Variants in MTHFD1L observed in about 807,000 individuals in gnomAD.
MTHFD1L encodes the protein methylenetetrahydrofolate dehydrogenase (NADP+ dependent) 1 like.
A neutral mutation model predicts 119.5 loss-of-function variants in MTHFD1L; 81 were observed. The observed-to-expected ratio is 0.68, with a 90% CI of 0.57 to 0.82. MTHFD1L has a LOEUF of 0.82. Among genes scored for constraint, MTHFD1L ranks in the 40% least tolerant of loss-of-function variants. The pLI, the probability that MTHFD1L is intolerant of heterozygous loss-of-function variation, is 0.00. For missense variants in MTHFD1L, 1,125 were observed against 1,253.4 expected, an observed-to-expected ratio of 0.90 and a Z score of 1.55; for synonymous variants, 430 against 475.2, an observed-to-expected ratio of 0.90 and a Z score of 1.24.
At chr6:151,016,278 A>G (rs1456667092) in intron 24 of MTHFD1L, among the ~76,000 whole-genome samples, 1 of 152,092 alleles carries the variant, frequency 6.6e-6, no homozygotes, top group East Asian at 1.9e-4. Flanking sequence ...CACAGGAACA[A>G]GAGCAATTTC....
chr6:150,880,741 T>C (rs956007027), intron 4 of MTHFD1L, among the ~76,000 whole-genome samples: 1 of 152,232 alleles, frequency 6.6e-6, no homozygotes, highest in Admixed American at 6.5e-5. Flanking sequence ...GAGCTCCCCT[T>C]TCCACATATC....
Position 150,970,980 on chromosome 6 carries a change from G to T in MTHFD1L, c.2014-967G>T, listed in dbSNP as rs1037724980. Reference sequence around the variant, plus strand: ...CTTAAATTTCTGGATAAAGAAGTTGGCTGCTTCGTGCTCTCAACATTATCT... The same window carrying T: ...CTTAAATTTCTGGATAAAGAAGTTGTCTGCTTCGTGCTCTCAACATTATCT... On this transcript the variant is annotated intron_variant, in intron 19 of 27. Transcript: ENST00000367321. 2.6e-5 allele frequency among the ~76,000 whole-genome samples: 4 copies of T among 152,270 alleles called. No individual in the cohort carries two copies. The East Asian group carries it at 7.7e-4, about 29-fold the overall frequency.
intron 16 of MTHFD1L, 82 bp from the exon 17 acceptor site, chr6:150,955,913 C>T (rs1795570447): frequency 2.4e-6 from 3 of 1,235,526 alleles, no homozygotes; most frequent in Non-Finnish European, 3.6e-6. Context: ...CTGCAACTTC[C>T]TGAGCATCAG....
At chr6:151,086,824 C>G (rs1793851590) in intron 26 of MTHFD1L, among the ~76,000 whole-genome samples, 1 of 152,196 alleles carries the variant, frequency 6.6e-6, no homozygotes, top group Non-Finnish European at 1.5e-5. Context: ...ACCACCATGC[C>G]TGACCAAAAA....
At position 150,866,102 on chromosome 6, in the gene MTHFD1L, C is replaced by G. The variant is rs548554010; in HGVS notation, c.227+53C>G. ...GGTCTCCAGCGGCTGTGGCCCCGAC[C>G]CAGGGGCGGAGCGCCCGGGACCGCC... On this transcript the variant is annotated intron_variant, in intron 1 of 27. Transcript: ENST00000367321. 40 of 1,471,958 alleles carry G rather than the reference C, an allele frequency of 2.7e-5. No homozygotes were observed. In the South Asian group the frequency reaches 4.8e-4, roughly 18 times the overall value. The allele number at this position is 1,471,958 out of a possible 1,614,324, so 91.2% of individuals were successfully genotyped here. A position where few individuals can be genotyped will look rare whatever the true frequency, so the allele number is the denominator to read the frequency against.
At position 151,039,865 on chromosome 6, in the gene MTHFD1L, A is replaced by G. The variant is rs1786793612; in HGVS notation, c.2847+2748A>G. Reference sequence around the variant, plus strand: ...GGGAGGCAGAAGTTGCAGTAAGCCAAGATTGCGCCATTGCACTTCAGCCTG... The same window carrying G: ...GGGAGGCAGAAGTTGCAGTAAGCCAGGATTGCGCCATTGCACTTCAGCCTG... On this transcript the variant is annotated intron_variant, in intron 26 of 27. Transcript: ENST00000367321. The surrounding 1 kb of genome is among the most constrained non-coding windows in gnomAD (Gnocchi z 4.4). 6.6e-6 allele frequency among the ~76,000 whole-genome samples: 1 copy of G among 152,132 alleles called. No homozygotes were observed. The highest frequency in any genetic ancestry group is 1.9e-4 in the East Asian group (1 of 5,180).
At chr6:150,965,688 C>T (rs1033858658) in intron 19 of MTHFD1L, among the ~76,000 whole-genome samples, 2 of 150,622 alleles carry the variant, frequency 1.3e-5, no homozygotes, top group African/African-American at 2.4e-5. Flanking sequence ...AAGTCAATGT[C>T]TAACATTTCA....
At chr6:150,989,483 A>G (rs1183628250) in intron 20 of MTHFD1L, among the ~76,000 whole-genome samples, 1 of 152,248 alleles carries the variant, frequency 6.6e-6, no homozygotes, top group African/African-American at 2.4e-5. Flanking sequence ...ATTTATGTAC[A>G]GAATAATTAT....
intron 26 of MTHFD1L, among the ~76,000 whole-genome samples, chr6:151,090,231 G>T (rs1278752009): frequency 6.6e-6 from 1 of 152,150 alleles, no homozygotes; most frequent in Non-Finnish European, 1.5e-5. Flanking sequence ...CATCTGCAGG[G>T]GTTAAACCGG....
intron 1 of MTHFD1L, among the ~76,000 whole-genome samples, chr6:150,874,309 G>C (rs1444179714): frequency 1.3e-5 from 2 of 152,158 alleles, no homozygotes; most frequent in African/African-American, 2.4e-5. Flanking sequence ...ATAGACAGTT[G>C]CCTGCACCCA....
At chr6:150,868,339 AT>A (rs34073444) in intron 1 of MTHFD1L, among the ~76,000 whole-genome samples, 54,276 of 136,478 alleles carry the variant, frequency 0.4, 10,041 homozygotes, top group African/African-American at 0.51. Context: ...GTGGCTATTA[AT>A]TTTTTTTTTT....
chr6:150,877,272 C>G (rs2076557), intron 2 of MTHFD1L, among the ~76,000 whole-genome samples: 1 of 151,994 alleles, frequency 6.6e-6, no homozygotes, highest in Non-Finnish European at 1.5e-5. Context: ...AGGCTGGTCT[C>G]GAACTCCTGG....
At chr6:151,050,886 G>A (rs1380959987) in intron 26 of MTHFD1L, among the ~76,000 whole-genome samples, 1 of 152,166 alleles carries the variant, frequency 6.6e-6, no homozygotes, top group Admixed American at 6.5e-5. Context: ...ATGAAGAGAT[G>A]CATAGGGCAT....
chr6:150,886,097 C>G (rs963765739), intron 6 of MTHFD1L, among the ~76,000 whole-genome samples: 6 of 152,146 alleles, frequency 3.9e-5, no homozygotes, highest in African/African-American at 9.7e-5. Context: ...TTTCAGCTTA[C>G]TAAATCTATC....
At chr6:151,032,204 G>C (rs553582170) in intron 24 of MTHFD1L, among the ~76,000 whole-genome samples, 6 of 152,290 alleles carry the variant, frequency 3.9e-5, no homozygotes, top group Non-Finnish European at 8.8e-5. Context: ...CCCTGAGACT[G>C]GTTAATGGAT....
chr6:150,991,873 G>A (rs758045461), intron 20 of MTHFD1L, among the ~76,000 whole-genome samples: 1 of 152,188 alleles, frequency 6.6e-6, no homozygotes, highest in Admixed American at 6.5e-5. Flanking sequence ...GCACTGAGGC[G>A]AGCCTTGAAG....
chr6:151,008,003 A>G (rs2128477737), intron 20 of MTHFD1L, among the ~76,000 whole-genome samples: 2 of 152,354 alleles, frequency 1.3e-5, no homozygotes, highest in Middle Eastern at 6.8e-3. Context: ...TGTCAAAAGC[A>G]TATCAATGGT....
intron 26 of MTHFD1L, among the ~76,000 whole-genome samples, chr6:151,060,921 T>C (rs566832236): frequency 2.8e-4 from 43 of 152,290 alleles, no homozygotes; most frequent in Non-Finnish European, 5.1e-4. Flanking sequence ...CATGAAGACC[T>C]ATTTAGAAAG....
At chr6:150,994,065 A>G (rs1333204817) in intron 20 of MTHFD1L, among the ~76,000 whole-genome samples, 3 of 49,796 alleles carry the variant, frequency 6.0e-5, no homozygotes, top group African/African-American at 2.9e-4. Context: ...CAACAACAGT[A>G]AAAAAAAAAA....
Sources: gnomAD v4.1 joint callset for allele counts (sites outside exome capture counted in the v4.1 genomes callset) on GRCh38, gnomAD v4.1.1 for gene constraint, Gnocchi (gnomAD v3.1) non-coding constraint, MANE v1.5 for transcripts, NCBI Gene and HGNC (gene_info 2026-07-23, HGNC 2026-07-21) for gene names.